The following DIS3L2 variants were observed in gnomAD, a reference collection of about 807,000 sequenced individuals.
DIS3L2 encodes DIS3 like 3'-5' exoribonuclease 2, also known as DIS3-like exonuclease 2.
A neutral mutation model predicts 97.5 loss-of-function variants in DIS3L2; 34 were observed. The observed-to-expected ratio is 0.35, with a 90% CI of 0.27 to 0.46. The LOEUF is 0.46. DIS3L2 is among the 20% of genes least tolerant of loss of function. The pLI is 1.00. For missense variants in DIS3L2, 1,038 were observed against 1,146.0 expected (o/e 0.91, Z 1.36); for synonymous variants, 435 against 445.2 (o/e 0.98, Z 0.29).
rs879859062 is a variant in DIS3L2, at chr2:232,259,301, G to GA, written c.1426-3895dup. On this transcript the variant is annotated intron_variant, in intron 12 of 20. Coordinates refer to ENST00000325385, the MANE Select transcript of DIS3L2 (RefSeq NM_152383.5). ...AAACAAAGTAGAGGTGCCCATTAAGGAAAAAAAAAAAGGAGCTCAAATGAA... is the reference window on the plus strand; with the variant it reads ...AAACAAAGTAGAGGTGCCCATTAAGGAAAAAAAAAAAAGGAGCTCAAATGAA... Among the ~76,000 whole-genome samples the GA allele has an allele frequency of 5.8e-4, 84 of 145,118 alleles. 1 individual carries two copies. Among genetic ancestry groups the GA allele is most frequent in the South Asian group, 6.6e-4 (3 of 4,558 alleles).
At chr2:232,339,026 T>C (rs540643034), downstream of DIS3L2, among the ~76,000 whole-genome samples, 48 of 152,192 alleles carry the variant, frequency 3.2e-4, no homozygotes, top group East Asian at 3.1e-3. Context: ...AGCCAGTGAG[T>C]GTGTCCCTGC....
intron 6 of DIS3L2, among the ~76,000 whole-genome samples, chr2:232,089,437 C>T (rs1388464976): frequency 1.3e-5 from 2 of 152,244 alleles, no homozygotes; most frequent in East Asian, 3.9e-4. Context: ...ACTTTCTTTT[C>T]TTTAAAAATA....
At chr2:232,122,749 G>GACAACA (rs374604424) in intron 6 of DIS3L2, among the ~76,000 whole-genome samples, 2 of 151,808 alleles carry the variant, frequency 1.3e-5, no homozygotes, top group Non-Finnish European at 2.9e-5. Flanking sequence ...AACTCCAAGA[G>GACAACA]ACAACAACAA....
intron 14 of DIS3L2, 28 bp from the exon 15 acceptor site, chr2:232,329,785 T>TCCCGGGGGGGGCC: frequency 1.2e-4 from 119 of 967,084 alleles, no homozygotes; most frequent in Middle Eastern, 7.0e-4. Flanking sequence ...ACCCCAGCGG[T>TCCCGGGGGGGGCC]CCCTCCCATC....
intron 1 of DIS3L2, among the ~76,000 whole-genome samples, chr2:231,993,247 T>C (rs543907829): frequency 1.3e-5 from 2 of 152,280 alleles, no homozygotes; most frequent in African/African-American, 4.8e-5. Flanking sequence ...CTTTTTTTTT[T>C]TGAGACAGAG....
At chr2:231,991,019 C>T (rs1693570548) in intron 1 of DIS3L2, among the ~76,000 whole-genome samples, 2 of 151,894 alleles carry the variant, frequency 1.3e-5, no homozygotes, top group Admixed American at 1.3e-4. Flanking sequence ...GATCCTCCTA[C>T]CTCAGCCTCC....
At chr2:232,068,685 C>A (rs1574850015) in intron 5 of DIS3L2, among the ~76,000 whole-genome samples, 1 of 151,942 alleles carries the variant, frequency 6.6e-6, no homozygotes, top group Non-Finnish European at 1.5e-5. Context: ...CTAAATTGAT[C>A]CTTTGGAATA....
intron 9 of DIS3L2, among the ~76,000 whole-genome samples, chr2:232,190,229 G>A (rs1691571978): frequency 6.6e-6 from 1 of 152,076 alleles, no homozygotes; most frequent in Admixed American, 6.6e-5. Flanking sequence ...AGCTACTCAG[G>A]AGGCTGAGAT....
chr2:232,246,764 A>G (rs1693259806), intron 11 of DIS3L2, among the ~76,000 whole-genome samples: 1 of 152,214 alleles, frequency 6.6e-6, no homozygotes, highest in East Asian at 1.9e-4. Context: ...TGCAAATAAT[A>G]TCTGAACCCC....
chr2:232,023,271 A>G (rs3116227), intron 3 of DIS3L2: 87,143 of 152,006 alleles, frequency 0.57, 25,987 homozygotes, highest in East Asian at 0.69. Context: ...CTGAATGATC[A>G]TTTGTAGTAG....
Position 232,202,519 on chromosome 2 carries a change from T to C in DIS3L2, c.1125-7807T>C, listed in dbSNP as rs556057720. 1.7e-3 allele frequency among the ~76,000 whole-genome samples: 257 copies of C among 152,362 alleles called. 4 individuals are homozygous for C. Among genetic ancestry groups the C allele is most frequent in the South Asian group, 0.016 (76 of 4,822 alleles). On this transcript the variant is annotated intron_variant, in intron 9 of 20. Coordinates refer to ENST00000325385, the MANE Select transcript of DIS3L2 (RefSeq NM_152383.5). ...TTCAGTTTGTTTGGATTAAGTTTCA[T>C]CACTATCCTTTAAAAAATAACAGAA... is the stretch of plus-strand genomic sequence containing the variant.
In DIS3L2 at chr2:232,204,288, A is replaced by C. The variant is rs970037874; in HGVS notation, c.1125-6038A>C. ...GCTGAGGGTGCAGGGTCAGAGGAAGAGTGTAAGTGACAAAGGAACAGAAAT... is the reference window on the plus strand; with the variant it reads ...GCTGAGGGTGCAGGGTCAGAGGAAGCGTGTAAGTGACAAAGGAACAGAAAT... On this transcript the variant is annotated intron_variant, in intron 9 of 20. Coordinates refer to ENST00000325385, the MANE Select transcript of DIS3L2 (RefSeq NM_152383.5). Among the ~76,000 whole-genome samples, 3 of 152,304 alleles carry C rather than the reference A, an allele frequency of 2.0e-5. No individual in the cohort carries two copies. In the East Asian group the frequency reaches 5.8e-4, roughly 29 times the overall value.
intron 3 of DIS3L2, among the ~76,000 whole-genome samples, chr2:232,022,830 T>C (rs1352693721): frequency 6.6e-6 from 1 of 152,202 alleles, no homozygotes; most frequent in African/African-American, 2.4e-5. Context: ...ATGTAAGTTT[T>C]TTCCCTCCTT....
chr2:232,305,809 G>T (rs560610999), intron 14 of DIS3L2, among the ~76,000 whole-genome samples: 8 of 152,244 alleles, frequency 5.3e-5, no homozygotes, highest in Admixed American at 2.6e-4. Flanking sequence ...ACACAAATTA[G>T]TTGGGCGTGA....
intron 1 of DIS3L2, among the ~76,000 whole-genome samples, chr2:231,979,541 G>T (rs1188265025): frequency 1.3e-5 from 2 of 151,850 alleles, no homozygotes; most frequent in Non-Finnish European, 2.9e-5. Flanking sequence ...AGGCCTGAAG[G>T]TTATTTATTT....
intron 8 of DIS3L2, among the ~76,000 whole-genome samples, chr2:232,158,308 TG>T (rs1690555477): frequency 5.5e-5 from 2 of 36,172 alleles, no homozygotes; most frequent in Non-Finnish European, 1.6e-4. Context: ...CTTTATATCG[TG>T]TGTGTGTGTG....
intron 8 of DIS3L2, among the ~76,000 whole-genome samples, chr2:232,147,543 T>C (rs965967327): frequency 6.6e-6 from 1 of 152,212 alleles, no homozygotes; most frequent in Non-Finnish European, 1.5e-5. Context: ...AAGTTATTTT[T>C]GAAGGACATA....
chr2:232,023,304 T>C (rs1415707759), intron 3 of DIS3L2, among the ~76,000 whole-genome samples: 1 of 152,238 alleles, frequency 6.6e-6, no homozygotes, highest in Non-Finnish European at 1.5e-5. Context: ...TTCATGATAT[T>C]GTAAACTGTG....
At chr2:232,073,106 A>G (rs997973160) in intron 5 of DIS3L2, among the ~76,000 whole-genome samples, 9 of 152,210 alleles carry the variant, frequency 5.9e-5, no homozygotes, top group African/African-American at 1.9e-4. Flanking sequence ...AGCCTTGTCA[A>G]GAGCTCCCTG....
Sources: gnomAD v4.1 joint callset for allele counts (sites outside exome capture counted in the v4.1 genomes callset) on GRCh38, gnomAD v4.1.1 for gene constraint, MANE v1.5 for transcripts, NCBI Gene and HGNC (gene_info 2026-07-23, HGNC 2026-07-21) for gene names.